The following NDUFAF2 variants were observed in gnomAD, a reference collection of about 807,000 sequenced individuals.
NDUFAF2 encodes NADH dehydrogenase [ubiquinone] 1 alpha subcomplex assembly factor 2.
NDUFAF2 carries 13 observed loss-of-function variants against 22.8 expected under a neutral mutation model. That is an observed-to-expected ratio of 0.57 (90% confidence interval 0.37 to 0.91). NDUFAF2 has a LOEUF of 0.91. NDUFAF2 is among the 40% of genes least tolerant of loss of function. The pLI, the probability that NDUFAF2 is intolerant of heterozygous loss-of-function variation, is 0.01. For missense variants in NDUFAF2, 162 were observed against 195.2 expected (o/e 0.83, Z 1.01); for synonymous variants, 53 against 64.2 (o/e 0.83, Z 0.84).
intron 1 of NDUFAF2, among the ~76,000 whole-genome samples, chr5:60,966,370 G>C (rs1750758594): frequency 6.6e-6 from 1 of 152,058 alleles, no homozygotes; most frequent in Admixed American, 6.5e-5. Context: ...TTTTTAATTA[G>C]AGGTAATCCC....
chr5:61,015,664 T>G (rs1396091337), intron 1 of NDUFAF2, among the ~76,000 whole-genome samples: 2 of 152,178 alleles, frequency 1.3e-5, no homozygotes, highest in African/African-American at 2.4e-5. Flanking sequence ...CCTTTAGTAC[T>G]AAGAAATCTT....
chr5:60,953,565 G>A (rs1421401204), intron 1 of NDUFAF2, among the ~76,000 whole-genome samples: 8 of 152,040 alleles, frequency 5.3e-5, no homozygotes, highest in East Asian at 3.9e-4. Context: ...GGTTCAAGGC[G>A]GATAAAGTTT....
intron 1 of NDUFAF2, among the ~76,000 whole-genome samples, chr5:61,022,279 C>T (rs1407119803): frequency 6.6e-6 from 1 of 152,094 alleles, no homozygotes; most frequent in Non-Finnish European, 1.5e-5. Flanking sequence ...ATGTGTTTAC[C>T]AATATCTTTT....
chr5:60,983,374 T>C (rs1751015889), intron 1 of NDUFAF2, among the ~76,000 whole-genome samples: 1 of 39,800 alleles, frequency 2.5e-5, no homozygotes, highest in Admixed American at 2.9e-4. Context: ...GATGGTAGTT[T>C]CTTTTGCTGT....
intron 1 of NDUFAF2, among the ~76,000 whole-genome samples, chr5:60,975,269 T>C (rs1750887544): frequency 6.6e-6 from 1 of 152,186 alleles, no homozygotes; most frequent in Admixed American, 6.5e-5. Context: ...TACCTAGGCT[T>C]GCTGTTATTT....
At chr5:61,057,519 G>A (rs1001365000) in intron 1 of NDUFAF2, among the ~76,000 whole-genome samples, 1 of 152,184 alleles carries the variant, frequency 6.6e-6, no homozygotes, top group Non-Finnish European at 1.5e-5. Flanking sequence ...AATCTCAGAA[G>A]TACAGTACTT....
intron 3 of NDUFAF2, among the ~76,000 whole-genome samples, chr5:61,144,976 T>A (rs977285216): frequency 1.3e-5 from 2 of 152,200 alleles, no homozygotes; most frequent in African/African-American, 4.8e-5. Context: ...GGAAAGTTAA[T>A]GTATAGTAGG....
chr5:61,028,572 CCA>C (rs1483584391), intron 1 of NDUFAF2, among the ~76,000 whole-genome samples: 1 of 151,944 alleles, frequency 6.6e-6, no homozygotes, highest in African/African-American at 2.4e-5. Context: ...TATGGATATA[CCA>C]CAGTTTATTT....
chr5:61,144,279 A>C (rs1308361994), intron 3 of NDUFAF2, among the ~76,000 whole-genome samples: 1 of 152,116 alleles, frequency 6.6e-6, no homozygotes, highest in Non-Finnish European at 1.5e-5. Flanking sequence ...TTTAAGGAGA[A>C]AAATTGGGCT....
At chr5:60,990,753 A>G (rs1751147576) in intron 1 of NDUFAF2, among the ~76,000 whole-genome samples, 1 of 152,214 alleles carries the variant, frequency 6.6e-6, no homozygotes, top group African/African-American at 2.4e-5. Context: ...GAAATCACGT[A>G]ACCACCTTGA....
chr5:61,008,348 A>G (rs1751400216), intron 1 of NDUFAF2, among the ~76,000 whole-genome samples: 1 of 152,098 alleles, frequency 6.6e-6, no homozygotes, highest in Non-Finnish European at 1.5e-5. Context: ...TTGATAATTG[A>G]TGTTACTACA....
At chr5:61,031,159 T>C (rs1179229194) in intron 1 of NDUFAF2, among the ~76,000 whole-genome samples, 4 of 152,248 alleles carry the variant, frequency 2.6e-5, no homozygotes, top group East Asian at 1.9e-4. Flanking sequence ...ATCACTATTA[T>C]GTTTTCTTTT....
chr5:61,138,185 G>A (rs1357339229), intron 3 of NDUFAF2, among the ~76,000 whole-genome samples: 1 of 152,212 alleles, frequency 6.6e-6, no homozygotes, highest in Non-Finnish European at 1.5e-5. Flanking sequence ...CCCATTTAAA[G>A]GGTTGTTAGT....
At chr5:61,030,071 G>A (rs933724678) in intron 1 of NDUFAF2, among the ~76,000 whole-genome samples, 11 of 152,106 alleles carry the variant, frequency 7.2e-5, no homozygotes, top group African/African-American at 2.2e-4. Context: ...TAGAGATCAT[G>A]CCTTTAAATG....
chr5:60,987,185 G>T (rs1751093547), intron 1 of NDUFAF2, among the ~76,000 whole-genome samples: 1 of 152,092 alleles, frequency 6.6e-6, no homozygotes. Context: ...AGAAGAAATG[G>T]CTAAATTCCT....
intron 3 of NDUFAF2, among the ~76,000 whole-genome samples, chr5:61,136,041 A>ATATATATATATATC (rs1561136719): frequency 1.8e-5 from 2 of 108,738 alleles, no homozygotes; most frequent in African/African-American, 3.5e-5. Flanking sequence ...ATATATATAT[A>ATATATATATATATC]TCTAGGGTGG....
At chr5:60,992,270 A>G (rs1047744768) in intron 1 of NDUFAF2, among the ~76,000 whole-genome samples, 2 of 152,130 alleles carry the variant, frequency 1.3e-5, no homozygotes, top group African/African-American at 2.4e-5. Flanking sequence ...TGTTGAGTGT[A>G]TCCTTTGCTG....
intron 2 of NDUFAF2, among the ~76,000 whole-genome samples, chr5:61,088,418 C>T (rs1269070947): frequency 6.6e-6 from 1 of 152,002 alleles, no homozygotes; most frequent in Non-Finnish European, 1.5e-5. Flanking sequence ...AAGAGTATCA[C>T]TCATTGCCTG....
intron 1 of NDUFAF2, among the ~76,000 whole-genome samples, chr5:61,037,019 T>C (rs1172333872): frequency 6.6e-6 from 1 of 152,146 alleles, no homozygotes; most frequent in African/African-American, 2.4e-5. Flanking sequence ...GCCAGTATTA[T>C]TGAGGCCCTG....
Sources: gnomAD v4.1 joint callset for allele counts (sites outside exome capture counted in the v4.1 genomes callset) on GRCh38, gnomAD v4.1.1 for gene constraint, MANE v1.5 for transcripts, NCBI Gene and HGNC (gene_info 2026-07-23, HGNC 2026-07-21) for gene names.